Variants in RAPGEF4 observed in about 807,000 individuals in gnomAD.
RAPGEF4 encodes RAP guanine-nucleotide-exchange factor (GEF) 4.
A neutral mutation model predicts 147.9 loss-of-function variants in RAPGEF4; 66 were observed. The observed-to-expected ratio is 0.45, with a 90% confidence interval of 0.37 to 0.55. The LOEUF (loss-of-function observed/expected upper bound fraction) is 0.55. Ranked by LOEUF, RAPGEF4 falls within the 20% of genes least tolerant of loss-of-function variation. The pLI is 0.00. For synonymous variants in RAPGEF4, 419 were observed against 442.7 expected (o/e 0.95, Z 0.67); for missense variants, 1,071 against 1,257.3 (o/e 0.85, Z 2.24).
intron 1 of RAPGEF4, among the ~76,000 whole-genome samples, chr2:172,770,346 C>T (rs1368938649): frequency 2.0e-5 from 3 of 152,144 alleles, no homozygotes; most frequent in African/African-American, 7.2e-5. Flanking sequence ...TACCCCACTG[C>T]CTATGGAGAT....
At chr2:173,036,273 A>C in intron 28 of RAPGEF4, 61 bp downstream of exon 28, 2 of 1,274,446 alleles carry the variant, frequency 1.6e-6, no homozygotes, top group Non-Finnish European at 2.3e-6. Context: ...GGAAATGAAC[A>C]ATACCTTGAT....
chr2:172,747,915 G>T (rs966223970), intron 1 of RAPGEF4, among the ~76,000 whole-genome samples: 5 of 152,200 alleles, frequency 3.3e-5, no homozygotes, highest in Admixed American at 6.5e-5. Flanking sequence ...AGATCATGCG[G>T]TATTTGTATT....
At chr2:172,962,046 C>A (rs1015190695) in intron 8 of RAPGEF4, among the ~76,000 whole-genome samples, 11 of 152,290 alleles carry the variant, frequency 7.2e-5, no homozygotes, top group African/African-American at 2.6e-4. Flanking sequence ...GCTGAACCTT[C>A]TGGGATGACT....
At chr2:172,947,138 G>A (rs1687754788) in intron 6 of RAPGEF4, among the ~76,000 whole-genome samples, 2 of 152,134 alleles carry the variant, frequency 1.3e-5, no homozygotes. Context: ...CTTCCTAAGG[G>A]TTAAATCTAG....
chr2:172,792,156 C>T (rs1005329705), intron 1 of RAPGEF4, among the ~76,000 whole-genome samples: 6 of 152,226 alleles, frequency 3.9e-5, no homozygotes, highest in African/African-American at 1.4e-4. Context: ...CTCTGCCTCC[C>T]GGGAAGTGTG....
At chr2:172,810,221 G>A (rs1217112875) in intron 3 of RAPGEF4, among the ~76,000 whole-genome samples, 1 of 152,154 alleles carries the variant, frequency 6.6e-6, no homozygotes, top group African/African-American at 2.4e-5. Flanking sequence ...GAATATCCTT[G>A]AGCCTGATTT....
intron 16 of RAPGEF4, among the ~76,000 whole-genome samples, chr2:172,998,749 T>A (rs1693614565): frequency 6.6e-6 from 1 of 152,134 alleles, no homozygotes; most frequent in South Asian, 2.1e-4. Context: ...TCCAGGACCA[T>A]GGGTCAGGAA....
Position 172,957,471 on chromosome 2 carries a change from T to C in RAPGEF4, c.538-3289T>C, listed in dbSNP as rs111939007. Among the ~76,000 whole-genome samples the C allele has an allele frequency of 6.2e-3, 940 of 152,388 alleles. 15 individuals are homozygous for C. Among genetic ancestry groups the C allele is most frequent in the African/African-American group, 0.022 (897 of 41,594 alleles). On this transcript the variant is annotated intron_variant, in intron 6 of 30. Coordinates refer to ENST00000397081, the MANE Select transcript of RAPGEF4 (RefSeq NM_007023.4). Reference sequence around the variant, plus strand: ...ATTGGCCAGTGACTATTTCCAGGGATGTGGCCTGCCTGTCAGGCTTGCCCT... The same window carrying C: ...ATTGGCCAGTGACTATTTCCAGGGACGTGGCCTGCCTGTCAGGCTTGCCCT...
At chr2:173,039,529 T>C (rs2106030562) in intron 29 of RAPGEF4, among the ~76,000 whole-genome samples, 1 of 151,442 alleles carries the variant, frequency 6.6e-6, no homozygotes, top group Non-Finnish European at 1.5e-5. Flanking sequence ...GGCCCCAGGC[T>C]TCTCTCTTGC....
intron 1 of RAPGEF4, among the ~76,000 whole-genome samples, chr2:172,769,442 T>TATCCA (rs1697154716): frequency 3.3e-5 from 5 of 152,152 alleles, no homozygotes; most frequent in African/African-American, 4.8e-5. Context: ...GCTCTGGGTG[T>TATCCA]GATATCCACC....
intron 1 of RAPGEF4, among the ~76,000 whole-genome samples, chr2:172,748,684 A>G (rs1342849922): frequency 6.6e-6 from 1 of 152,138 alleles, no homozygotes; most frequent in Non-Finnish European, 1.5e-5. Context: ...TCACATTTCA[A>G]AATCAATCAT....
intron 4 of RAPGEF4, among the ~76,000 whole-genome samples, chr2:172,844,961 A>G (rs143565239): frequency 3.9e-5 from 6 of 152,332 alleles, no homozygotes; most frequent in African/African-American, 1.2e-4. Flanking sequence ...CCCTAAATAA[A>G]TTGGTATCCT....
chr2:172,856,727 G>C (rs1693455645), intron 4 of RAPGEF4, among the ~76,000 whole-genome samples: 1 of 152,256 alleles, frequency 6.6e-6, no homozygotes, highest in Middle Eastern at 3.4e-3. Flanking sequence ...GATTTGGTCA[G>C]ATCTCATGTA....
intron 5 of RAPGEF4, among the ~76,000 whole-genome samples, chr2:172,918,790 C>T (rs1369623949): frequency 6.6e-6 from 1 of 152,104 alleles, no homozygotes. Flanking sequence ...GTGCTTCAGC[C>T]AGCAGACCCA....
chr2:172,902,238 T>C (rs1159307894), intron 4 of RAPGEF4, among the ~76,000 whole-genome samples: 1 of 152,132 alleles, frequency 6.6e-6, no homozygotes, highest in East Asian at 1.9e-4. Context: ...ACAAGTCTTG[T>C]TAACAGCAGT....
At chr2:172,779,442 G>T (rs555144966) in intron 1 of RAPGEF4, among the ~76,000 whole-genome samples, 1 of 152,144 alleles carries the variant, frequency 6.6e-6, no homozygotes, top group African/African-American at 2.4e-5. Context: ...AGGAATAGTT[G>T]TTGCAAGGGC....
intron 4 of RAPGEF4, among the ~76,000 whole-genome samples, chr2:172,892,420 C>A (rs2149909723): frequency 6.6e-6 from 1 of 152,322 alleles, no homozygotes; most frequent in African/African-American, 2.4e-5. Flanking sequence ...GACAGACAGT[C>A]CCTGTGCACA....
intron 3 of RAPGEF4, among the ~76,000 whole-genome samples, chr2:172,802,219 C>T (rs1477470253): frequency 1.3e-5 from 2 of 152,182 alleles, no homozygotes; most frequent in East Asian, 1.9e-4. Flanking sequence ...TTATGCTATA[C>T]ATTTATTAGG....
At chr2:173,000,281 C>T (rs536942094) in intron 16 of RAPGEF4, among the ~76,000 whole-genome samples, 23 of 152,280 alleles carry the variant, frequency 1.5e-4, no homozygotes, top group African/African-American at 4.1e-4. Flanking sequence ...CTGACTCAGA[C>T]TTCACCAATA....
Sources: allele counts gnomAD v4.1 joint callset (sites outside exome capture counted in the v4.1 genomes callset), GRCh38; gene constraint gnomAD v4.1.1; transcripts MANE v1.5; gene names NCBI Gene and HGNC (gene_info 2026-07-23, HGNC 2026-07-21).